Variants in ELP2 observed in about 807,000 individuals in gnomAD.
The protein encoded by ELP2 is elongator acetyltransferase complex subunit 2, also known as elongator complex protein 2.
In ELP2, 90 loss-of-function variants were observed where a neutral mutation model predicts 119.2. The ratio of observed to expected loss-of-function variants is 0.75; its 90% CI spans 0.64 to 0.90. ELP2 has a LOEUF of 0.90. Among genes scored for constraint, ELP2 ranks in the 40% least tolerant of loss-of-function variants. ELP2 has a pLI of 0.00. For missense variants in ELP2, 921 were observed against 967.8 expected (o/e 0.95, Z 0.64); for synonymous variants, 339 against 331.0 (o/e 1.02, Z -0.26).
chr18:36,131,930 C>CT (rs5823996), intron 1 of ELP2, among the ~76,000 whole-genome samples: 9,721 of 80,188 alleles, frequency 0.12, 393 homozygotes, highest in Non-Finnish European at 0.14. Context: ...GCTGGTCGGG[C>CT]TTTTTTTTTT....
intron 2 of ELP2, among the ~76,000 whole-genome samples, chr18:36,135,059 T>G (rs1159411793): frequency 6.6e-6 from 1 of 152,212 alleles, no homozygotes; most frequent in Admixed American, 6.5e-5. Context: ...GGGATGCCTG[T>G]TAGTATGGAT....
At position 36,178,395 on chromosome 18, in the gene ELP2, C is replaced by T. The variant is rs887205552; in HGVS notation, c.*3754C>T. 6.6e-6 allele frequency: 1 copy of T among 152,184 alleles called. No individual in the cohort carries two copies. Among genetic ancestry groups the T allele is most frequent in the Non-Finnish European group, 1.5e-5 (1 of 68,058 alleles). The allele number at this position is 152,184 out of a possible 1,614,324, so 9.4% of individuals were successfully genotyped here. A position where few individuals can be genotyped will look rare whatever the true frequency, so the allele number is the denominator to read the frequency against. ...AGGGACCTAGATTCTTCAACAAATA[C>T]ATTACAAGAGGAAAAGGGAAGGGAA... is the stretch of plus-strand genomic sequence containing the variant. On this transcript the variant is annotated 3_prime_UTR_variant, in exon 22 of 22. Coordinates refer to ENST00000358232, the MANE Select transcript of ELP2 (RefSeq NM_018255.4).
chr18:36,130,013 G>C lies in ELP2; in HGVS notation c.80G>C (p.Gly27Ala). The C allele has an allele frequency of 6.2e-7, 1 of 1,614,172 alleles. No individual in the cohort carries two copies. Among genetic ancestry groups the C allele is most frequent in the Non-Finnish European group, 8.5e-7 (1 of 1,180,018 alleles). Residue 27 changes from glycine (G) to alanine (A), a missense_variant, in exon 1 of 22, where the codon GGG becomes GCG. Transcript: ENST00000358232. ...CGGGGAGTCCTGAACTGGAGCTCTG[G>C]GCCCAGAGGACTTCTGGCCTTTGGC... ...RVRGVLNWSS[G>A]PRGLLAFGTS... is the part of the protein sequence containing the mutation.
chr18:36,148,600 G>A (rs1598773243), intron 11 of ELP2, among the ~76,000 whole-genome samples: 1 of 152,208 alleles, frequency 6.6e-6, no homozygotes, highest in Middle Eastern at 3.4e-3. Flanking sequence ...GGCTCATGCT[G>A]GTAATCCCAG....
intron 18 of ELP2, 47 bp from the exon 19 acceptor site, chr18:36,167,054 A>C (rs757580060): frequency 1.3e-6 from 2 of 1,552,794 alleles, no homozygotes; most frequent in South Asian, 2.6e-5. Flanking sequence ...ACAGGTAAAA[A>C]CCCAGCTTTC....
intron 5 of ELP2, among the ~76,000 whole-genome samples, chr18:36,139,966 A>AG (rs1299411635): frequency 2.0e-5 from 3 of 151,226 alleles, no homozygotes; most frequent in Non-Finnish European, 2.9e-5. Flanking sequence ...TTCCCACCTC[A>AG]GCCAAGTGGC....
At chr18:36,142,453 T>C (rs1165690223) in intron 7 of ELP2, 106 bp downstream of exon 7, 1 of 939,882 alleles carries the variant, frequency 1.1e-6, no homozygotes, top group Admixed American at 1.8e-5. Flanking sequence ...TTGTATGTTA[T>C]GTTTTTCTAT....
Position 36,159,969 on chromosome 18 carries a change from G to C in ELP2, c.1642G>C (p.Glu548Gln), listed in dbSNP as rs1386474194. 1 of 1,614,114 alleles carries C rather than the reference G, an allele frequency of 6.2e-7. No individual in the cohort carries two copies. The highest frequency in any genetic ancestry group is 1.1e-5 in the South Asian group (1 of 91,080). Residue 548 changes from glutamate to glutamine, a missense_variant, in exon 16 of 22, where the codon GAG becomes CAG. Physicochemically the swap from Glu to Gln is conservative, Grantham distance 29. Coordinates refer to ENST00000358232, the MANE Select transcript of ELP2 (RefSeq NM_018255.4). Reference protein sequence around the residue: ...QPSILTEPPTEDHLLQNTLWP... With the variant: ...QPSILTEPPTQDHLLQNTLWP... ...TCAATTTATTCTAGAGCCTCCCACT[G>C]AGGATCATCTTCTGCAGAATACTTT...
At position 36,138,441 on chromosome 18, in the gene ELP2, A is replaced by C. The variant is rs748995997; in HGVS notation, c.445+15A>C. The C allele has an allele frequency of 6.2e-7, 1 of 1,613,292 alleles. No individual in the cohort carries two copies. The highest frequency in any genetic ancestry group is 8.5e-7 in the Non-Finnish European group (1 of 1,179,348). The stretch of plus-strand genomic sequence containing the variant: ...GGGTCCAGAAGGTAGGTTTGGAGAC[A>C]TGATAATCCAGACAAATGAAATAAT... On this transcript the variant is annotated intron_variant, in intron 4 of 21. Transcript: ENST00000358232.
chr18:36,147,438 G>A (rs2090244143), intron 11 of ELP2, among the ~76,000 whole-genome samples: 2 of 130,266 alleles, frequency 1.5e-5, no homozygotes, highest in South Asian at 2.3e-4. Flanking sequence ...TTTTGAGACC[G>A]AGTTTTGCTC....
In ELP2 at chr18:36,135,473, A is replaced by T. The variant is rs141030861; in HGVS notation, c.218-834A>T. On this transcript the variant is annotated intron_variant, in intron 2 of 21. Coordinates refer to ENST00000358232, the MANE Select transcript of ELP2 (RefSeq NM_018255.4). Reference sequence around the variant, plus strand: ...AGTTGGCTGGCAGCAGAGTTAGGACATGAACCTGGGCCTTCTGAGTTCAAA... The same window carrying T: ...AGTTGGCTGGCAGCAGAGTTAGGACTTGAACCTGGGCCTTCTGAGTTCAAA... Among the ~76,000 whole-genome samples the T allele has an allele frequency of 7.3e-3, 1,108 of 152,328 alleles. 16 individuals carry two copies. The highest frequency in any genetic ancestry group is 0.025 in the African/African-American group (1,039 of 41,554).
At chr18:36,132,487 C>T (rs1330483247) in intron 1 of ELP2, among the ~76,000 whole-genome samples, 3 of 152,066 alleles carry the variant, frequency 2.0e-5, no homozygotes, top group Non-Finnish European at 2.9e-5. Flanking sequence ...TTCTAGTTGG[C>T]GTATAAGCAG....
rs977298904 is a variant in ELP2 at position 36,156,736 on chromosome 18, G to A, written c.1464+82G>A. On this transcript the variant is annotated intron_variant, in intron 13 of 21. Transcript: ENST00000358232. ...AGGATTTTTGCCTTAGGCTTTAAAT[G>A]GAATATATGGGTAGAAAGAAAGTAA... is the stretch of plus-strand genomic sequence containing the variant. 22 of 1,201,510 alleles carry A rather than the reference G, an allele frequency of 1.8e-5. No homozygotes were observed. In the African/African-American group the frequency reaches 3.0e-4, roughly 16 times the overall value. The allele number at this position is 1,201,510 out of a possible 1,614,324, so 74.4% of individuals were successfully genotyped here.
At chr18:36,161,053 A>G (rs2090724222) in intron 17 of ELP2, 49 bp downstream of exon 17, 2 of 1,370,724 alleles carry the variant, frequency 1.5e-6, no homozygotes, top group Non-Finnish European at 2.1e-6. Context: ...TATTTGGGTC[A>G]TCAGGCTCCT....
intron 11 of ELP2, among the ~76,000 whole-genome samples, chr18:36,147,804 A>C (rs1426542449): frequency 6.6e-6 from 1 of 152,184 alleles, no homozygotes; most frequent in Admixed American, 6.5e-5. Context: ...ACTGGATGCT[A>C]TGTAAGTGTA....
rs142793034 is a variant in ELP2 at position 36,170,054 on chromosome 18, C to G, written c.2077-9C>G. ...GAAGGCTTTACAGTGTGTGATCTGT[C>G]TGTATTAGGTGGTTGTCTGGGGTGA... is the stretch of plus-strand genomic sequence containing the variant. On this transcript the variant is annotated splice_polypyrimidine_tract_variant and intron_variant, in intron 19 of 21. Coordinates refer to ENST00000358232, the MANE Select transcript of ELP2 (RefSeq NM_018255.4). The G allele has an allele frequency of 1.4e-4, 224 of 1,614,104 alleles. 1 individual carries two copies. The East Asian group carries it at 4.8e-3, about 35-fold the overall frequency.
intron 16 of ELP2, among the ~76,000 whole-genome samples, chr18:36,160,517 G>A (rs371624671): frequency 7.3e-5 from 11 of 151,248 alleles, no homozygotes; most frequent in African/African-American, 2.4e-4. Flanking sequence ...ATTGGAGGCT[G>A]CAGTGAGCCA....
rs1411245194 is a variant in ELP2 at position 36,146,250 on chromosome 18, G to A, written c.994G>A (p.Val332Ile). Residue 332 changes from valine (V) to isoleucine (I), a missense_variant and splice_region_variant, in exon 11 of 22, where the codon GTT (valine) becomes ATT (isoleucine). Physicochemically the swap from Val to Ile is conservative, Grantham distance 29. Transcript: ENST00000358232. Reference protein sequence around the residue: ...DEESGVWLEQVRVGEVGGNTL... With the variant: ...DEESGVWLEQIRVGEVGGNTL... ...TTGTTTTCTGTCTGTTATTGTACAG[G>A]TTCGAGTAGGTGAAGTAGGTGGGAA... The A allele has an allele frequency of 6.2e-7, 1 of 1,614,082 alleles. No homozygotes were observed. The highest frequency in any genetic ancestry group is 8.5e-7 in the Non-Finnish European group (1 of 1,179,960).
At chr18:36,161,051 T>G (rs1303521015) in intron 17 of ELP2, 47 bp downstream of exon 17, 2 of 1,391,320 alleles carry the variant, frequency 1.4e-6, no homozygotes, top group South Asian at 1.2e-5. Context: ...GTTATTTGGG[T>G]CATCAGGCTC....
Sources: gnomAD v4.1 joint callset for allele counts (sites outside exome capture counted in the v4.1 genomes callset) on GRCh38, gnomAD v4.1.1 for gene constraint, MANE v1.5 for transcripts, NCBI Gene and HGNC (gene_info 2026-07-23, HGNC 2026-07-21) for gene names.